The following EVI5 variants were observed in gnomAD, a reference collection of about 807,000 sequenced individuals.
EVI5 encodes ecotropic viral integration site 5 protein homolog.
EVI5 carries 73 observed loss-of-function variants against 112.0 expected under a neutral mutation model. The ratio of observed to expected loss-of-function variants is 0.65; its 90% CI spans 0.54 to 0.79. EVI5 has a LOEUF of 0.79. EVI5 is among the 30% of genes least tolerant of loss of function. The pLI, the probability that EVI5 is intolerant of heterozygous loss-of-function variation, is 0.00. For synonymous variants in EVI5, 305 were observed against 319.9 expected (o/e 0.95, Z 0.50); for missense variants, 900 against 968.8 (o/e 0.93, Z 0.94).
At chr1:92,555,511 C>T (rs1667534690) in intron 19 of EVI5, among the ~76,000 whole-genome samples, 1 of 152,094 alleles carries the variant, frequency 6.6e-6, no homozygotes, top group Admixed American at 6.6e-5. Context: ...ATACTTGGAA[C>T]TTTGTGTTAC....
chr1:92,567,648 G>T, intron 18 of EVI5, among the ~76,000 whole-genome samples: 1 of 151,938 alleles, frequency 6.6e-6, no homozygotes, highest in Non-Finnish European at 1.5e-5. Context: ...TATACCATCT[G>T]GGTTTGTGTA....
At chr1:92,630,082 A>G (rs1024314801) in intron 14 of EVI5, among the ~76,000 whole-genome samples, 8 of 151,948 alleles carry the variant, frequency 5.3e-5, no homozygotes, top group Non-Finnish European at 5.9e-5. Flanking sequence ...GGACATTTGG[A>G]TTGGTTCCAA....
intron 16 of EVI5, among the ~76,000 whole-genome samples, chr1:92,608,036 A>G (rs1650847219): frequency 6.6e-6 from 1 of 151,752 alleles, no homozygotes; most frequent in African/African-American, 2.4e-5. Flanking sequence ...CTGTAGTCCC[A>G]GGTACTCGGG....
intron 19 of EVI5, among the ~76,000 whole-genome samples, chr1:92,540,806 G>T (rs1166703467): frequency 2.6e-5 from 4 of 152,100 alleles, no homozygotes; most frequent in Admixed American, 1.3e-4. Context: ...AGGCACAGTG[G>T]CTCATGTCTG....
intron 12 of EVI5, 136 bp from the exon 13 acceptor site, chr1:92,663,001 T>C (rs1664287386): frequency 2.8e-6 from 1 of 362,156 alleles, no homozygotes; most frequent in Non-Finnish European, 4.2e-6. Context: ...ACAGCCTACG[T>C]AATCATTAGC....
At chr1:92,670,047 T>C (rs911637150) in intron 10 of EVI5, among the ~76,000 whole-genome samples, 6 of 152,202 alleles carry the variant, frequency 3.9e-5, no homozygotes, top group Non-Finnish European at 5.9e-5. Flanking sequence ...TGGAAACTTG[T>C]TGCTAAGACA....
intron 7 of EVI5, 119 bp downstream of exon 7, chr1:92,695,191 T>C (rs2102477569): frequency 5.5e-6 from 4 of 723,532 alleles, no homozygotes; most frequent in South Asian, 4.2e-5. Flanking sequence ...AGATTATCCA[T>C]GTAAGCAGTT....
At chr1:92,588,679 T>A (rs1673197236) in intron 18 of EVI5, among the ~76,000 whole-genome samples, 1 of 152,238 alleles carries the variant, frequency 6.6e-6, no homozygotes, top group African/African-American at 2.4e-5. Flanking sequence ...TTGTATTTTG[T>A]TCACTAATCC....
chr1:92,606,567 T>C (rs1650438143), intron 17 of EVI5, among the ~76,000 whole-genome samples: 1 of 152,194 alleles, frequency 6.6e-6, no homozygotes, highest in Non-Finnish European at 1.5e-5. Flanking sequence ...GCCTACAGAT[T>C]TCTGTCAGTA....
At chr1:92,633,558 G>A (rs62123713) in intron 14 of EVI5, among the ~76,000 whole-genome samples, 2 of 152,062 alleles carry the variant, frequency 1.3e-5, no homozygotes, top group South Asian at 2.1e-4. Flanking sequence ...TTTTGAGCCT[G>A]TGTGTGTCTT....
At chr1:92,672,180 A>G (rs12069116) in intron 10 of EVI5, among the ~76,000 whole-genome samples, 44 of 152,240 alleles carry the variant, frequency 2.9e-4, no homozygotes, top group Middle Eastern at 6.8e-3. Context: ...AATCCCTGCA[A>G]TTTACTCTTA....
chr1:92,782,565 T>C (rs1684999441), intron 1 of EVI5, among the ~76,000 whole-genome samples: 1 of 152,132 alleles, frequency 6.6e-6, no homozygotes, highest in Non-Finnish European at 1.5e-5. Context: ...GATATATTAC[T>C]GTACCTCTAC....
chr1:92,644,210 A>G (rs912204346), intron 13 of EVI5, among the ~76,000 whole-genome samples: 1 of 152,242 alleles, frequency 6.6e-6, no homozygotes, highest in Non-Finnish European at 1.5e-5. Flanking sequence ...AATGGGCACA[A>G]TTTATATCAT....
chr1:92,664,188 C>T (rs1189156256), intron 11 of EVI5, among the ~76,000 whole-genome samples: 3 of 152,146 alleles, frequency 2.0e-5, no homozygotes, highest in African/African-American at 7.2e-5. Flanking sequence ...GCAACCACAA[C>T]TTTCAAAGAA....
intron 19 of EVI5, among the ~76,000 whole-genome samples, chr1:92,545,586 T>C (rs934079753): frequency 3.9e-5 from 6 of 152,174 alleles, no homozygotes; most frequent in African/African-American, 9.7e-5. Flanking sequence ...ACACCTCATA[T>C]GGACCAAGAC....
chr1:92,680,501 G>A (rs1226818470), intron 9 of EVI5, among the ~76,000 whole-genome samples: 1 of 152,096 alleles, frequency 6.6e-6, no homozygotes, highest in Non-Finnish European at 1.5e-5. Context: ...CTTCCTTACA[G>A]TAGAATGCTG....
chr1:92,757,544 G>A (rs748167310), intron 1 of EVI5, among the ~76,000 whole-genome samples: 3 of 151,810 alleles, frequency 2.0e-5, no homozygotes, highest in Non-Finnish European at 2.9e-5. Flanking sequence ...ATTATAAATA[G>A]TATAGGTATA....
chr1:92,589,710 G>A (rs923972359), intron 18 of EVI5, among the ~76,000 whole-genome samples: 1 of 152,190 alleles, frequency 6.6e-6, no homozygotes, highest in Non-Finnish European at 1.5e-5. Context: ...CCAAACAAAA[G>A]GCAGCAGAAA....
intron 9 of EVI5, among the ~76,000 whole-genome samples, chr1:92,689,720 G>A (rs1669162217): frequency 6.6e-6 from 1 of 152,012 alleles, no homozygotes; most frequent in South Asian, 2.1e-4. Context: ...GTGTCACTTT[G>A]GCAAAATTTT....
Sources: allele counts gnomAD v4.1 joint callset (sites outside exome capture counted in the v4.1 genomes callset), GRCh38; gene constraint gnomAD v4.1.1; transcripts MANE v1.5; gene names NCBI Gene and HGNC (gene_info 2026-07-23, HGNC 2026-07-21).